The following DLG2 variants were observed in gnomAD, a reference collection of about 807,000 sequenced individuals.
DLG2 encodes disks large homolog 2.
DLG2 carries 45 observed loss-of-function variants against 132.5 expected under a neutral mutation model. The observed-to-expected ratio is 0.34, with a 90% CI of 0.27 to 0.44. The LOEUF (loss-of-function observed/expected upper bound fraction) is 0.44, where lower values mean the gene tolerates loss of function less well. Ranked by LOEUF, DLG2 falls within the 20% of genes least tolerant of loss-of-function variation. DLG2 has a pLI of 1.00. For missense variants in DLG2, 1,045 were observed against 1,196.9 expected (o/e 0.87, Z 1.87); for synonymous variants, 424 against 419.6 (o/e 1.01, Z -0.13).
intron 10 of DLG2, among the ~76,000 whole-genome samples, chr11:84,078,095 T>C (rs1356799085): frequency 6.6e-6 from 1 of 152,174 alleles, no homozygotes; most frequent in Non-Finnish European, 1.5e-5. Context: ...GATGAAATTG[T>C]ATTGGGGATT....
intron 17 of DLG2, among the ~76,000 whole-genome samples, chr11:83,822,059 G>A (rs951889175): frequency 2.0e-5 from 3 of 152,072 alleles, no homozygotes; most frequent in African/African-American, 4.8e-5. Context: ...TGGTGTGAAA[G>A]ATGAAAAAAA....
At chr11:85,095,438 A>C (rs538127969) in intron 6 of DLG2, among the ~76,000 whole-genome samples, 1 of 152,294 alleles carries the variant, frequency 6.6e-6, no homozygotes, top group African/African-American at 2.4e-5. Context: ...ACTTTATTGA[A>C]ACTACTGTAA....
At chr11:85,086,988 T>G (rs1011372782) in intron 6 of DLG2, among the ~76,000 whole-genome samples, 10 of 152,240 alleles carry the variant, frequency 6.6e-5, no homozygotes, top group African/African-American at 2.4e-4. Flanking sequence ...TTTCCATATG[T>G]TATTTTCTCA....
chr11:83,505,945 G>A (rs1348983903), intron 21 of DLG2, among the ~76,000 whole-genome samples: 2 of 152,168 alleles, frequency 1.3e-5, no homozygotes, highest in Non-Finnish European at 2.9e-5. Flanking sequence ...AGGGTGGCAG[G>A]AGTGGAGACC....
At chr11:85,394,720 T>C (rs2087131062) in intron 3 of DLG2, among the ~76,000 whole-genome samples, 1 of 152,168 alleles carries the variant, frequency 6.6e-6, no homozygotes. Flanking sequence ...TCTCACAATC[T>C]AGGGTGAGAC....
rs559810019 is a variant in DLG2, at chr11:84,576,135, C to G, written c.358-41404G>C. On this transcript the variant is annotated intron_variant, in intron 6 of 27. Coordinates refer to ENST00000376104, the MANE Select transcript of DLG2 (RefSeq NM_001142699.3). ...TATTAGCACTTTTCCTGCAAGCTTT[C>G]CAATCCTTTAATTAACATCATATAT... Among the ~76,000 whole-genome samples, 71 of 152,322 alleles carry G rather than the reference C, an allele frequency of 4.7e-4. 3 individuals are homozygous for G. In the South Asian group the frequency reaches 0.015, roughly 31 times the overall value.
intron 19 of DLG2, among the ~76,000 whole-genome samples, chr11:83,604,057 G>A (rs957421887): frequency 2.6e-5 from 4 of 152,160 alleles, no homozygotes; most frequent in African/African-American, 9.7e-5. Flanking sequence ...CTGTGGTTTA[G>A]CAGAAATATA....
intron 6 of DLG2, among the ~76,000 whole-genome samples, chr11:84,598,985 C>G (rs2154531875): frequency 6.6e-6 from 1 of 152,122 alleles, no homozygotes; most frequent in African/African-American, 2.4e-5. Flanking sequence ...TGTCACATGC[C>G]TGTAATTGCA....
chr11:85,023,562 G>T (rs1422464682), intron 6 of DLG2, among the ~76,000 whole-genome samples: 1 of 151,896 alleles, frequency 6.6e-6, no homozygotes, highest in Non-Finnish European at 1.5e-5. Context: ...AGATAATAGA[G>T]ATTAAATAAA....
chr11:84,811,650 C>A (rs2076570440), intron 6 of DLG2, among the ~76,000 whole-genome samples: 1 of 152,074 alleles, frequency 6.6e-6, no homozygotes, highest in African/African-American at 2.4e-5. Flanking sequence ...ATTTCTCCCC[C>A]ACATGATTAT....
chr11:84,124,437 T>C, intron 9 of DLG2, among the ~76,000 whole-genome samples: 1 of 152,218 alleles, frequency 6.6e-6, no homozygotes. Context: ...TATCAGTTGC[T>C]ACATAAAGAA....
At chr11:84,797,326 ACTCT>A (rs1429715585) in intron 6 of DLG2, among the ~76,000 whole-genome samples, 1 of 151,264 alleles carries the variant, frequency 6.6e-6, no homozygotes, top group Non-Finnish European at 1.5e-5. Flanking sequence ...TCTACCCCAA[ACTCT>A]CTATCTTCCT....
intron 4 of DLG2, among the ~76,000 whole-genome samples, chr11:85,275,099 T>G (rs1212173609): frequency 6.6e-6 from 1 of 152,202 alleles, no homozygotes; most frequent in African/African-American, 2.4e-5. Flanking sequence ...CCTGTTAATA[T>G]GCTTTTTGTC....
At chr11:84,477,444 A>T (rs753310230) in intron 7 of DLG2, among the ~76,000 whole-genome samples, 39 of 152,020 alleles carry the variant, frequency 2.6e-4, no homozygotes, top group Non-Finnish European at 3.7e-4. Context: ...GCAGTGAGCC[A>T]ATTTTGTGTC....
chr11:85,547,227 G>A lies in DLG2; in HGVS notation c.40+51430C>T, dbSNP rs548918502. Among the ~76,000 whole-genome samples, 11 of 152,240 alleles carry A rather than the reference G, an allele frequency of 7.2e-5. 1 individual carries two copies. The South Asian group carries it at 2.3e-3, about 32-fold the overall frequency. On this transcript the variant is annotated intron_variant, in intron 3 of 27. Coordinates refer to ENST00000376104, the MANE Select transcript of DLG2 (RefSeq NM_001142699.3). ...CTCTCAGCACTTGCTTGTCTATAAA[G>A]GGTTTTATTTCTCCTTCACTTATGA...
intron 5 of DLG2, among the ~76,000 whole-genome samples, chr11:85,118,584 G>A (rs758461251): frequency 2.6e-5 from 4 of 151,916 alleles, no homozygotes; most frequent in Non-Finnish European, 5.9e-5. Context: ...AGAGGACAGC[G>A]GGCTTTGACT....
chr11:83,771,793 G>T (rs752589767), intron 18 of DLG2, among the ~76,000 whole-genome samples: 1 of 152,134 alleles, frequency 6.6e-6, no homozygotes, highest in Non-Finnish European at 1.5e-5. Flanking sequence ...TATAAAATCA[G>T]TTCTTCTGAG....
At chr11:85,078,257 G>C (rs1406493745) in intron 6 of DLG2, among the ~76,000 whole-genome samples, 1 of 150,396 alleles carries the variant, frequency 6.6e-6, no homozygotes, top group Non-Finnish European at 1.5e-5. Flanking sequence ...GAAAATGACA[G>C]GCAGTGTGTG....
At chr11:84,688,219 G>A (rs1015167772) in intron 6 of DLG2, among the ~76,000 whole-genome samples, 1 of 152,112 alleles carries the variant, frequency 6.6e-6, no homozygotes, top group African/African-American at 2.4e-5. Flanking sequence ...CTAATATAAA[G>A]GCCTCTTGAC....
Sources: gnomAD v4.1 joint callset for allele counts (sites outside exome capture counted in the v4.1 genomes callset) on GRCh38, gnomAD v4.1.1 for gene constraint, MANE v1.5 for transcripts, NCBI Gene and HGNC (gene_info 2026-07-23, HGNC 2026-07-21) for gene names.